Variants in RB1 observed in about 807,000 individuals in gnomAD.
RB1 encodes RB transcriptional corepressor 1, also known as retinoblastoma-associated protein.
Under a neutral mutation model 135.4 loss-of-function variants are expected in RB1, and 18 were observed. The observed-to-expected ratio is 0.13, with a 90% CI of 0.09 to 0.20. RB1 has a LOEUF of 0.20. Ranked by LOEUF, RB1 falls within the 10% of genes least tolerant of loss-of-function variation. The probability of loss-of-function intolerance (pLI) is 1.00; values close to 1 mark genes in which losing one functional copy is unlikely to be tolerated. For synonymous variants in RB1, 365 were observed against 373.2 expected, an observed-to-expected ratio of 0.98 and a Z score of 0.25; for missense variants, 868 against 1,110.0, an observed-to-expected ratio of 0.78 and a Z score of 3.10.
At chr13:48,395,792 A>G (rs1227852480) in intron 17 of RB1, among the ~76,000 whole-genome samples, 1 of 152,222 alleles carries the variant, frequency 6.6e-6, no homozygotes, top group African/African-American at 2.4e-5. Flanking sequence ...AGTGGAACCA[A>G]GTTAGAAAAC....
At position 48,319,241 on chromosome 13, in the gene RB1, G is replaced by T; in HGVS notation, c.264+11835G>T. On this transcript the variant is annotated intron_variant, in intron 2 of 26. Transcript: ENST00000267163. This position sits in a 1 kb window ranked among gnomAD's most constrained non-coding sequence, Gnocchi z 5.0. ...AGCTGGGTGTTTTCCTGTGGGTCTC[G>T]CGCAAGGCACTTTTTTGTGGCGCTG... 1 of 807,896 alleles carries T rather than the reference G, an allele frequency of 1.2e-6. No homozygotes were observed. The highest frequency in any genetic ancestry group is 1.6e-5 in the South Asian group (1 of 61,428). The allele number at this position is 807,896 out of a possible 1,614,324, so 50.0% of individuals were successfully genotyped here. A position where few individuals can be genotyped will look rare whatever the true frequency, so the allele number is the denominator to read the frequency against.
chr13:48,362,963 T>C lies in RB1; in HGVS notation c.861+6T>C, dbSNP rs373380507. On this transcript the variant is annotated splice_donor_region_variant and intron_variant, in intron 8 of 26. Transcript: ENST00000267163. ...ATGAATGTAATATAGATGAGGTAAT[T>C]TAACTTCATGATTTCTTTAAAACAG... The C allele has an allele frequency of 1.9e-6, 3 of 1,610,058 alleles. No individual in the cohort carries two copies. The highest frequency in any genetic ancestry group is 2.5e-6 in the Non-Finnish European group (3 of 1,176,582).
Position 48,311,868 on chromosome 13 carries a change from G to A in RB1, c.264+4462G>A, listed in dbSNP as rs1952133690. Among the ~76,000 whole-genome samples, 3 of 152,124 alleles carry A rather than the reference G, an allele frequency of 2.0e-5. No individual in the cohort carries two copies. In the South Asian group the frequency reaches 6.2e-4, roughly 32 times the overall value. ...TTATAGGCATGCGCCACCACACCCGGCTAATTTTTGTATTTTTAGTAGAGA... is the reference window on the plus strand; with the variant it reads ...TTATAGGCATGCGCCACCACACCCGACTAATTTTTGTATTTTTAGTAGAGA... On this transcript the variant is annotated intron_variant, in intron 2 of 26. Transcript: ENST00000267163.
intron 17 of RB1, among the ~76,000 whole-genome samples, chr13:48,449,454 G>T (rs1949312153): frequency 1.3e-5 from 2 of 152,178 alleles, no homozygotes; most frequent in East Asian, 1.9e-4. Flanking sequence ...TATCTGGTTT[G>T]CCTGTTGGCT....
At chr13:48,364,775 A>G in intron 8 of RB1, 119 bp from the exon 9 acceptor site, 2 of 1,182,678 alleles carry the variant, frequency 1.7e-6, no homozygotes, top group Non-Finnish European at 2.3e-6. Flanking sequence ...AAAGTTATAC[A>G]CAGATTTTTT....
intron 17 of RB1, among the ~76,000 whole-genome samples, chr13:48,399,093 T>A (rs1245279431): frequency 1.3e-5 from 2 of 152,082 alleles, no homozygotes; most frequent in African/African-American, 4.8e-5. Context: ...CTATAAGTGT[T>A]TTCAGAATCC....
chr13:48,420,328 A>T (rs1948986447), intron 17 of RB1, among the ~76,000 whole-genome samples: 1 of 152,260 alleles, frequency 6.6e-6, no homozygotes, highest in Non-Finnish European at 1.5e-5. Flanking sequence ...CATTGATGAA[A>T]TTCAACACTG....
At chr13:48,372,112 G>T (rs1166843597) in intron 11 of RB1, among the ~76,000 whole-genome samples, 2 of 152,150 alleles carry the variant, frequency 1.3e-5, no homozygotes, top group East Asian at 3.8e-4. Context: ...AAAAGGTTGG[G>T]GACTGCTGTT....
intron 2 of RB1, among the ~76,000 whole-genome samples, chr13:48,315,059 T>C (rs961116002): frequency 3.9e-5 from 6 of 152,206 alleles, no homozygotes; most frequent in Non-Finnish European, 7.3e-5. Context: ...TTTTTCTTTT[T>C]CCTAACTCTG....
chr13:48,426,806 A>G (rs1949085958), intron 17 of RB1: 1 of 152,250 alleles, frequency 6.6e-6, no homozygotes, highest in Admixed American at 6.5e-5. Context: ...CTGTAAAGAA[A>G]TACCTGAGAC....
At chr13:48,362,038 C>T (rs573553452) in intron 7 of RB1, among the ~76,000 whole-genome samples, 17 of 150,924 alleles carry the variant, frequency 1.1e-4, no homozygotes, top group African/African-American at 3.9e-4. Context: ...AACTCTGCCT[C>T]CCGGGTTCAA....
At chr13:48,425,910 T>G (rs1487267855) in intron 17 of RB1, among the ~76,000 whole-genome samples, 1 of 152,222 alleles carries the variant, frequency 6.6e-6, no homozygotes, top group Non-Finnish European at 1.5e-5. Context: ...TGTGACTTGC[T>G]TAGGATTACA....
intron 17 of RB1, chr13:48,417,320 C>T (rs1045852821): frequency 1.3e-5 from 2 of 152,570 alleles, no homozygotes; most frequent in South Asian, 4.1e-4. Context: ...TTCCAGCAGA[C>T]CTGCAGCAGA....
chr13:48,394,309 G>A (rs1948631624), intron 17 of RB1, among the ~76,000 whole-genome samples: 1 of 152,186 alleles, frequency 6.6e-6, no homozygotes, highest in African/African-American at 2.4e-5. Flanking sequence ...TGGGTTTCAA[G>A]CACAAAACTG....
chr13:48,437,694 C>T (rs1483950545), intron 17 of RB1, among the ~76,000 whole-genome samples: 1 of 152,150 alleles, frequency 6.6e-6, no homozygotes, highest in Non-Finnish European at 1.5e-5. Context: ...AGCTCCCTGC[C>T]TCAACCCCAG....
chr13:48,434,689 G>A (rs1949164689), intron 17 of RB1, among the ~76,000 whole-genome samples: 1 of 152,076 alleles, frequency 6.6e-6, no homozygotes, highest in Non-Finnish European at 1.5e-5. Flanking sequence ...GTAGGTCCAT[G>A]TATCCACCAC....
rs922744537 is a variant in RB1, at chr13:48,387,417, A to T, written c.1695+5974A>T. Among the ~76,000 whole-genome samples, 3 of 152,288 alleles carry T rather than the reference A, an allele frequency of 2.0e-5. No homozygotes were observed. In the East Asian group the frequency reaches 5.8e-4, roughly 29 times the overall value. ...AAGAATATATAACCACCTTGAAAAC[A>T]TGATGTTGAAAGAAGCCAGTCACAG... On this transcript the variant is annotated intron_variant, in intron 17 of 26. Transcript: ENST00000267163.
intron 20 of RB1, among the ~76,000 whole-genome samples, chr13:48,463,319 C>A (rs1949417113): frequency 6.6e-6 from 1 of 152,182 alleles, no homozygotes; most frequent in African/African-American, 2.4e-5. Context: ...CATGCTCTTC[C>A]AGTCACCATA....
intron 17 of RB1, among the ~76,000 whole-genome samples, chr13:48,433,808 T>A (rs1202086637): frequency 6.6e-6 from 1 of 152,084 alleles, no homozygotes; most frequent in Non-Finnish European, 1.5e-5. Context: ...ATTCATCATC[T>A]TTGAATTAGT....
Sources: allele counts gnomAD v4.1 joint callset (sites outside exome capture counted in the v4.1 genomes callset), GRCh38; gene constraint gnomAD v4.1.1; non-coding constraint Gnocchi (gnomAD v3.1); transcripts MANE v1.5; gene names NCBI Gene and HGNC (gene_info 2026-07-23, HGNC 2026-07-21).